GNB1: variants seen among roughly 807,000 people sequenced by gnomAD.
The protein encoded by GNB1 is guanine nucleotide-binding protein G(I)/G(S)/G(T) subunit beta-1.
Under a neutral mutation model 42.9 loss-of-function variants are expected in GNB1, and 2 were observed. The ratio of observed to expected loss-of-function variants is 0.05; its 90% CI spans 0.02 to 0.15. The LOEUF is 0.15. Ranked by LOEUF, GNB1 falls within the 10% of genes least tolerant of loss-of-function variation. GNB1 has a pLI of 1.00. For missense variants in GNB1, 193 were observed against 462.2 expected, an observed-to-expected ratio of 0.42 and a Z score of 5.34; for synonymous variants, 183 against 174.7, an observed-to-expected ratio of 1.05 and a Z score of -0.38.
At position 1,790,731 on chromosome 1, in the gene GNB1, GT is replaced by G; in HGVS notation, c.498-136del. On this transcript the variant is annotated intron_variant, in intron 8 of 11. Coordinates refer to ENST00000378609, the MANE Select transcript of GNB1 (RefSeq NM_002074.5). The surrounding 1 kb of genome is among the most constrained non-coding windows in gnomAD (Gnocchi z 5.4). ...CACTGTTACTTTAAAAACGTAAATTGTTTAAAGACAAATTTAAATGTAATAC... is the reference window on the plus strand; with the variant it reads ...CACTGTTACTTTAAAAACGTAAATTGTTAAAGACAAATTTAAATGTAATAC... 1.6e-6 allele frequency: 1 copy of G among 628,996 alleles called. No homozygotes were observed. Among genetic ancestry groups the G allele is most frequent in the Non-Finnish European group, 2.9e-6 (1 of 350,790 alleles). 39.0% of individuals were successfully genotyped at this position (628,996 alleles called of 1,614,324 possible). A position where few individuals can be genotyped will look rare whatever the true frequency, so the allele number is the denominator to read the frequency against.
At chr1:1,837,558 T>G (rs1274045385) in intron 2 of GNB1, among the ~76,000 whole-genome samples, 1 of 147,644 alleles carries the variant, frequency 6.8e-6, no homozygotes, top group Non-Finnish European at 1.5e-5. Flanking sequence ...CTGGCCTTTT[T>G]GTTTTTGTTT....
At chr1:1,845,907 G>A (rs1647635972) in intron 1 of GNB1, among the ~76,000 whole-genome samples, 1 of 150,232 alleles carries the variant, frequency 6.7e-6, no homozygotes, top group South Asian at 2.1e-4. Flanking sequence ...TGAAAGGTCT[G>A]GAAGCAACGA....
At chr1:1,792,766 T>G (rs535077103) in intron 8 of GNB1, among the ~76,000 whole-genome samples, 2 of 151,570 alleles carry the variant, frequency 1.3e-5, no homozygotes, top group South Asian at 4.2e-4. Context: ...CTTTGTAAAT[T>G]TATTAGAAGT....
chr1:1,807,488 A>C (rs1436761292), intron 5 of GNB1, among the ~76,000 whole-genome samples: 52 of 146,946 alleles, frequency 3.5e-4, no homozygotes, highest in African/African-American at 1.0e-3. Flanking sequence ...AAAAAAAAAA[A>C]AAAAACAAAC....
At chr1:1,830,026 C>T (rs1647054317) in intron 2 of GNB1, among the ~76,000 whole-genome samples, 1 of 152,102 alleles carries the variant, frequency 6.6e-6, no homozygotes. Flanking sequence ...AGGTGTGAGC[C>T]ACTGCGCCCG....
intron 1 of GNB1, among the ~76,000 whole-genome samples, chr1:1,852,966 C>T (rs1321242255): frequency 6.6e-6 from 1 of 152,160 alleles, no homozygotes; most frequent in Non-Finnish European, 1.5e-5. Context: ...CGCACTGCAG[C>T]GCTCTGAGGG....
At chr1:1,810,958 G>T (rs1425794840) in intron 5 of GNB1, among the ~76,000 whole-genome samples, 2 of 151,480 alleles carry the variant, frequency 1.3e-5, no homozygotes, top group Admixed American at 6.6e-5. Context: ...GTGAACCACG[G>T]TGCCTGGCCT....
intron 9 of GNB1, among the ~76,000 whole-genome samples, chr1:1,789,616 C>T (rs757224715): frequency 5.3e-5 from 8 of 150,786 alleles, no homozygotes; most frequent in Admixed American, 1.3e-4. Context: ...TGCTTGAAAC[C>T]GGGAGGCGGC....
chr1:1,848,356 G>GT (rs1557925548), intron 1 of GNB1, among the ~76,000 whole-genome samples: 5 of 87,066 alleles, frequency 5.7e-5, no homozygotes, highest in Non-Finnish European at 1.1e-4. Flanking sequence ...TCCAGCCCAG[G>GT]CAAAAAAAAA....
chr1:1,861,128 AG>A (rs1478157752), intron 1 of GNB1, among the ~76,000 whole-genome samples: 1 of 146,260 alleles, frequency 6.8e-6, no homozygotes, highest in African/African-American at 2.5e-5. Context: ...AAAAAAAAAA[AG>A]GGAACTGACT....
At chr1:1,862,872 G>C (rs542377612) in intron 1 of GNB1, among the ~76,000 whole-genome samples, 2 of 152,190 alleles carry the variant, frequency 1.3e-5, no homozygotes, top group African/African-American at 2.4e-5. Context: ...GAGACTCTTA[G>C]AAAACACCAC....
intron 5 of GNB1, among the ~76,000 whole-genome samples, chr1:1,808,686 C>G (rs1646735643): frequency 6.6e-6 from 1 of 152,182 alleles, no homozygotes; most frequent in African/African-American, 2.4e-5. Flanking sequence ...CTCTGTCACC[C>G]AGGCTGGAGT....
intron 1 of GNB1, among the ~76,000 whole-genome samples, chr1:1,852,780 T>C (rs1286314389): frequency 6.6e-6 from 1 of 151,100 alleles, no homozygotes; most frequent in Non-Finnish European, 1.5e-5. Flanking sequence ...TACCCTACAC[T>C]CAGGAGCCAG....
intron 1 of GNB1, among the ~76,000 whole-genome samples, chr1:1,888,851 A>G (rs1235945729): frequency 2.6e-5 from 4 of 152,184 alleles, no homozygotes; most frequent in Non-Finnish European, 4.4e-5. Flanking sequence ...AAAAGTAAAG[A>G]AAGTTCTGCC....
chr1:1,858,828 T>C (rs113689229), intron 1 of GNB1, among the ~76,000 whole-genome samples: 2 of 152,092 alleles, frequency 1.3e-5, no homozygotes, highest in Non-Finnish European at 2.9e-5. Context: ...CGTCACATCC[T>C]AATAAAGCCC....
chr1:1,877,419 T>C (rs964580883), intron 1 of GNB1, among the ~76,000 whole-genome samples: 2 of 151,216 alleles, frequency 1.3e-5, no homozygotes, highest in East Asian at 3.9e-4. Context: ...AGAAGAAATA[T>C]AATAATCTTA....
At chr1:1,831,445 C>T (rs190079765) in intron 2 of GNB1, among the ~76,000 whole-genome samples, 1 of 151,982 alleles carries the variant, frequency 6.6e-6, no homozygotes, top group African/African-American at 2.4e-5. Context: ...TATAAATTTG[C>T]ATATAGTTAT....
At position 1,785,947 on chromosome 1, in the gene GNB1, G is replaced by A. The variant is rs896293428; in HGVS notation, c.*1116C>T. The A allele has an allele frequency of 1.0e-5, 4 of 398,732 alleles. No homozygotes were observed. Among genetic ancestry groups the A allele is most frequent in the Non-Finnish European group, 1.8e-5 (4 of 226,062 alleles). 24.7% of individuals were successfully genotyped at this position (398,732 alleles called of 1,614,324 possible). The stretch of plus-strand genomic sequence containing the variant: ...GCCGCAATGGTTACAACTGTAAGAG[G>A]TTATTTCTTAAAAGAAAAAGAACAC... On this transcript the variant is annotated 3_prime_UTR_variant, in exon 12 of 12. Coordinates refer to ENST00000378609, the MANE Select transcript of GNB1 (RefSeq NM_002074.5).
intron 3 of GNB1, 161 bp from the exon 4 acceptor site, chr1:1,818,036 C>G: frequency 1.7e-6 from 1 of 602,974 alleles, no homozygotes; most frequent in Non-Finnish European, 3.1e-6. Flanking sequence ...ACCCCATGGT[C>G]TACTACCATC....
Sources: allele counts gnomAD v4.1 joint callset (sites outside exome capture counted in the v4.1 genomes callset), GRCh38; gene constraint gnomAD v4.1.1; non-coding constraint Gnocchi (gnomAD v3.1); transcripts MANE v1.5; gene names NCBI Gene and HGNC (gene_info 2026-07-23, HGNC 2026-07-21).